The following SAP30BP variants were observed in gnomAD, a reference collection of about 807,000 sequenced individuals.
The protein encoded by SAP30BP is SAP30 binding protein.
In SAP30BP, 31 loss-of-function variants were observed where a neutral mutation model predicts 46.3. The ratio of observed to expected loss-of-function variants is 0.67; its 90% CI spans 0.50 to 0.90. SAP30BP has a LOEUF of 0.90. Among genes scored for constraint, SAP30BP ranks in the 40% least tolerant of loss-of-function variants. The pLI is 0.00. For synonymous variants in SAP30BP, 169 were observed against 144.2 expected (o/e 1.17, Z -1.23); for missense variants, 312 against 391.0 (o/e 0.80, Z 1.70).
At chr17:75,699,254 A>G (rs1432986104) in intron 4 of SAP30BP, among the ~76,000 whole-genome samples, 1 of 151,814 alleles carries the variant, frequency 6.6e-6, no homozygotes. Flanking sequence ...CCCAGGCTGG[A>G]GTATAGTGGC....
In SAP30BP at chr17:75,702,547, G is replaced by A; in HGVS notation, c.464G>A (p.Arg155Lys). The change falls in exon 6 of 11, where the codon AGG becomes AAG. Residue 155 changes from arginine (R) to lysine (K), a missense_variant. Arg to Lys is a conservative substitution (Grantham distance 26). Coordinates refer to ENST00000584667, the MANE Select transcript of SAP30BP (RefSeq NM_013260.8). Reference protein sequence around the residue: ...EGMDMNYIIQRKKEFRNPSIY... With the variant: ...EGMDMNYIIQKKKEFRNPSIY... ...ATGGATATGAACTACATTATCCAAAGGAAGAAAGAATTTCGGAACCCTAGG... is the reference window on the plus strand; with the variant it reads ...ATGGATATGAACTACATTATCCAAAAGAAGAAAGAATTTCGGAACCCTAGG... The A allele has an allele frequency of 6.4e-7, 1 of 1,566,424 alleles. No homozygotes were observed.
At chr17:75,688,399 A>C (rs114187906) in intron 3 of SAP30BP, among the ~76,000 whole-genome samples, 1 of 152,216 alleles carries the variant, frequency 6.6e-6, no homozygotes, top group East Asian at 1.9e-4. Context: ...ATGCAAGATT[A>C]CATTGCCCAA....
chr17:75,706,654 C>A lies in SAP30BP; in HGVS notation c.*133C>A. The A allele has an allele frequency of 1.2e-6, 1 of 825,190 alleles. No homozygotes were observed. The highest frequency in any genetic ancestry group is 1.9e-6 in the Non-Finnish European group (1 of 525,988). The allele number at this position is 825,190 out of a possible 1,614,324, so 51.1% of individuals were successfully genotyped here. A position where few individuals can be genotyped will look rare whatever the true frequency, so the allele number is the denominator to read the frequency against. On this transcript the variant is annotated 3_prime_UTR_variant, in exon 11 of 11. Coordinates refer to ENST00000584667, the MANE Select transcript of SAP30BP (RefSeq NM_013260.8). This position sits in a 1 kb window ranked among gnomAD's most constrained non-coding sequence, Gnocchi z 4.6. ...CCACCTGAGAGGAGCTTCTGTTTGG[C>A]ATTCCAGATGGAAGGACAGGCAGCA... is the stretch of plus-strand genomic sequence containing the variant.
At position 75,706,966 on chromosome 17, in the gene SAP30BP, C is replaced by T. The variant is rs543868798; in HGVS notation, c.*445C>T. On this transcript the variant is annotated 3_prime_UTR_variant, in exon 11 of 11. Coordinates refer to ENST00000584667, the MANE Select transcript of SAP30BP (RefSeq NM_013260.8). The surrounding 1 kb of genome is among the most constrained non-coding windows in gnomAD (Gnocchi z 4.6). ...GTGTATGCCTCTGGGCATGGACAGGCGGGAGTCCCCGAGCCCCACGTATGC... is the reference window on the plus strand; with the variant it reads ...GTGTATGCCTCTGGGCATGGACAGGTGGGAGTCCCCGAGCCCCACGTATGC... 9.9e-5 allele frequency: 17 copies of T among 171,690 alleles called. No individual in the cohort carries two copies. In the East Asian group the frequency reaches 1.3e-3, roughly 13 times the overall value. The allele number at this position is 171,690 out of a possible 1,614,324, so 10.6% of individuals were successfully genotyped here.
chr17:75,681,569 G>A (rs2060076966), intron 3 of SAP30BP, among the ~76,000 whole-genome samples: 1 of 152,188 alleles, frequency 6.6e-6, no homozygotes, highest in Non-Finnish European at 1.5e-5. Context: ...AACTGCCTAA[G>A]GGGCTAATCT....
intron 3 of SAP30BP, among the ~76,000 whole-genome samples, chr17:75,683,034 T>TTTTA (rs1205914466): frequency 4.5e-5 from 5 of 110,192 alleles, no homozygotes; most frequent in African/African-American, 1.4e-4. Context: ...GAAAAATTTA[T>TTTTA]TTTATTTATT....
intron 3 of SAP30BP, among the ~76,000 whole-genome samples, chr17:75,682,188 ATT>A (rs1011863352): frequency 7.0e-6 from 1 of 143,434 alleles, no homozygotes. Context: ...CCATACGACC[ATT>A]TTTTTTTTTT....
At chr17:75,699,253 G>A (rs757380305) in intron 4 of SAP30BP, among the ~76,000 whole-genome samples, 10 of 152,006 alleles carry the variant, frequency 6.6e-5, no homozygotes, top group African/African-American at 9.7e-5. Context: ...ACCCAGGCTG[G>A]AGTATAGTGG....
chr17:75,698,286 C>T (rs2060353154), intron 4 of SAP30BP, among the ~76,000 whole-genome samples: 1 of 152,168 alleles, frequency 6.6e-6, no homozygotes, highest in African/African-American at 2.4e-5. Flanking sequence ...ATGAGGTGGG[C>T]TAAGAGAGAG....
At chr17:75,705,772 A>G in intron 9 of SAP30BP, 1 of 1,047,210 alleles carries the variant, frequency 9.5e-7, no homozygotes, top group East Asian at 3.8e-5. Context: ...GCATGTGCAG[A>G]GACCTGGTGA....
chr17:75,692,971 G>A (rs2060261497), intron 3 of SAP30BP: 1 of 153,260 alleles, frequency 6.5e-6, no homozygotes, highest in Middle Eastern at 3.1e-3. Flanking sequence ...CAGCTAGTCT[G>A]CATTTTCATC....
intron 3 of SAP30BP, among the ~76,000 whole-genome samples, chr17:75,674,484 C>CA (rs1401698324): frequency 6.6e-6 from 1 of 151,412 alleles, no homozygotes; most frequent in African/African-American, 2.4e-5. Context: ...TTAATAGAGA[C>CA]AGGGTTTCAC....
intron 3 of SAP30BP, among the ~76,000 whole-genome samples, chr17:75,687,957 A>AGTGT (rs2060185993): frequency 1.0e-5 from 1 of 98,974 alleles, no homozygotes; most frequent in Non-Finnish European, 2.3e-5. Context: ...TGTGTGTGTG[A>AGTGT]GAGAGACAGA....
rs1380986392 is a variant in SAP30BP at position 75,703,637 on chromosome 17, G to C, written c.550-171G>C. On this transcript the variant is annotated intron_variant, in intron 7 of 10. Transcript: ENST00000584667. ...GGGGTTCGCTGGATGGGGGCTTCGT[G>C]CTCCCATGTTCTTCAGCACTTGCCA... The C allele has an allele frequency of 1.0e-5, 7 of 679,452 alleles. No homozygotes were observed. In the East Asian group the frequency reaches 1.8e-4, roughly 18 times the overall value. The allele number at this position is 679,452 out of a possible 1,614,324, so 42.1% of individuals were successfully genotyped here.
intron 4 of SAP30BP, among the ~76,000 whole-genome samples, chr17:75,694,919 T>A: frequency 6.6e-6 from 1 of 152,240 alleles, no homozygotes; most frequent in East Asian, 1.9e-4. Context: ...ATAATTTACA[T>A]AGAGTAAGAC....
At chr17:75,704,346 C>A (rs2060461527) in intron 8 of SAP30BP, among the ~76,000 whole-genome samples, 1 of 152,210 alleles carries the variant, frequency 6.6e-6, no homozygotes, top group South Asian at 2.1e-4. Flanking sequence ...AAGCCTGCAG[C>A]CCATGGCCCA....
chr17:75,691,790 C>T, intron 3 of SAP30BP: 1 of 265,350 alleles, frequency 3.8e-6, no homozygotes, highest in Non-Finnish European at 7.5e-6. Context: ...CAATCAGCAC[C>T]CAGAAAGCTG....
In SAP30BP at chr17:75,668,584, G is replaced by A; in HGVS notation, c.175G>A (p.Asp59Asn). 6.2e-7 allele frequency: 1 copy of A among 1,607,578 alleles called. No homozygotes were observed. The highest frequency in any genetic ancestry group is 8.5e-7 in the Non-Finnish European group (1 of 1,177,414). Residue 59 changes from aspartate (D) to asparagine (N), a missense_variant, in exon 2 of 11, where the codon GAT becomes AAT. Physicochemically the swap from Asp to Asn is conservative, Grantham distance 23 (BLOSUM62 1). Coordinates refer to ENST00000584667, the MANE Select transcript of SAP30BP (RefSeq NM_013260.8). ...DDFSRLGGDE[D>N]GYEEEEDENS... ...CTTTTCTCGTCTAGGGGGTGATGAA[G>A]ATGGTTATGAAGAAGAAGAAGATGA...
chr17:75,693,681 A>G (rs1021699747), intron 4 of SAP30BP, among the ~76,000 whole-genome samples, 199 bp downstream of exon 4: 1 of 152,034 alleles, frequency 6.6e-6, no homozygotes, highest in South Asian at 2.1e-4. Flanking sequence ...TTTGGAAATC[A>G]TATTTGTGGT....
Sources: allele counts gnomAD v4.1 joint callset (sites outside exome capture counted in the v4.1 genomes callset), GRCh38; gene constraint gnomAD v4.1.1; non-coding constraint Gnocchi (gnomAD v3.1); transcripts MANE v1.5; gene names NCBI Gene and HGNC (gene_info 2026-07-23, HGNC 2026-07-21).